Variants in SRGAP1 observed in about 807,000 individuals in gnomAD.
SRGAP1 encodes SLIT-ROBO Rho GTPase activating protein 1.
SRGAP1 carries 43 observed loss-of-function variants against 121.9 expected under a neutral mutation model. That is an observed-to-expected ratio of 0.35 (90% CI 0.28 to 0.46). The LOEUF (loss-of-function observed/expected upper bound fraction) is 0.46. SRGAP1 is among the 20% of genes least tolerant of loss of function. SRGAP1 has a pLI of 1.00. For synonymous variants in SRGAP1, 447 were observed against 485.4 expected (o/e 0.92, Z 1.04); for missense variants, 1,102 against 1,350.9 (o/e 0.82, Z 2.89).
At chr12:63,994,268 G>A (rs957498795) in intron 3 of SRGAP1, among the ~76,000 whole-genome samples, 1 of 152,078 alleles carries the variant, frequency 6.6e-6, no homozygotes, top group African/African-American at 2.4e-5. Context: ...ATTATGTAAT[G>A]TGAGATTATA....
At chr12:63,892,855 C>T (rs1900631425) in intron 1 of SRGAP1, among the ~76,000 whole-genome samples, 1 of 151,968 alleles carries the variant, frequency 6.6e-6, no homozygotes, top group Non-Finnish European at 1.5e-5. Flanking sequence ...TAGGTAGAGA[C>T]TGTAGCGCAT....
rs538731524 is a variant in SRGAP1 at position 64,013,007 on chromosome 12, G to A, written c.427-3943G>A. Among the ~76,000 whole-genome samples the A allele has an allele frequency of 1.9e-3, 292 of 152,254 alleles. 2 individuals carry two copies. The highest frequency in any genetic ancestry group is 6.5e-3 in the African/African-American group (270 of 41,540). On this transcript the variant is annotated intron_variant, in intron 3 of 21. Coordinates refer to ENST00000355086, the MANE Select transcript of SRGAP1 (RefSeq NM_020762.4). ...CCTGCCTCAGCCTCCCAAAGTGCTA[G>A]GATTATAGGTGTGAGCCACCACACC...
rs536057221 is a variant in SRGAP1 at position 64,080,918 on chromosome 12, A to ACAACAG, written c.1408+556_1408+561dup. On this transcript the variant is annotated intron_variant, in intron 10 of 21. Coordinates refer to ENST00000355086, the MANE Select transcript of SRGAP1 (RefSeq NM_020762.4). ...TGCTATGTCTAATAATAGTAACAAA[A>ACAACAG]CAACAGCAACAGCTAACACTTGAAA... 32 of 164,220 alleles carry ACAACAG rather than the reference A, an allele frequency of 1.9e-4. No individual in the cohort carries two copies. The South Asian group carries it at 2.9e-3, about 15-fold the overall frequency. The allele number at this position is 164,220 out of a possible 1,614,324, so 10.2% of individuals were successfully genotyped here. A position where few individuals can be genotyped will look rare whatever the true frequency, so the allele number is the denominator to read the frequency against.
At chr12:63,954,616 T>C (rs553246086) in intron 1 of SRGAP1, among the ~76,000 whole-genome samples, 23 of 142,766 alleles carry the variant, frequency 1.6e-4, no homozygotes, top group African/African-American at 6.0e-4. Context: ...AGGCGGAGCT[T>C]GCAGTGAGCC....
chr12:63,860,994 C>A (rs780323951), intron 1 of SRGAP1, among the ~76,000 whole-genome samples: 3 of 151,954 alleles, frequency 2.0e-5, no homozygotes, highest in Non-Finnish European at 4.4e-5. Flanking sequence ...GACCGCCAAG[C>A]CTGGCCCTTT....
At chr12:64,052,494 G>T (rs1182000899) in intron 6 of SRGAP1, among the ~76,000 whole-genome samples, 1 of 151,920 alleles carries the variant, frequency 6.6e-6, no homozygotes, top group Non-Finnish European at 1.5e-5. Context: ...GGTGGATGTT[G>T]CAGTGAGCCA....
At chr12:64,091,758 A>T (rs890053153) in intron 12 of SRGAP1, 1 of 656,624 alleles carries the variant, frequency 1.5e-6, no homozygotes, top group Non-Finnish European at 2.6e-6. Context: ...GAAACACAGC[A>T]GGAGTTTTGA....
rs781042705 is a variant in SRGAP1 at position 64,142,491 on chromosome 12, G to C, written c.3077G>C (p.Arg1026Pro). Residue 1026 changes from arginine (R) to proline (P), a missense_variant, in exon 22 of 22, where the codon CGT becomes CCT. By Grantham distance (103) the Arg-to-Pro change is moderately radical. Transcript: ENST00000355086. The stretch of plus-strand genomic sequence containing the variant: ...AGGAGCTCCGAGCCTCAGATTCGAC[G>C]TAGCACGAGCTCCTCCAGTGACACA... The part of the protein sequence containing the change: ...ALRSSEPQIR[R>P]STSSSSDTMS... 3 of 1,614,074 alleles carry C rather than the reference G, an allele frequency of 1.9e-6. No individual in the cohort carries two copies. The African/African-American group carries it at 4.0e-5, about 22-fold the overall frequency.
chr12:63,981,206 G>C (rs1489126650), intron 1 of SRGAP1, among the ~76,000 whole-genome samples: 1 of 152,132 alleles, frequency 6.6e-6, no homozygotes, highest in Non-Finnish European at 1.5e-5. Flanking sequence ...TGATTCCCTA[G>C]TTCTTGATCT....
chr12:64,115,920 A>G, intron 18 of SRGAP1, 27 bp downstream of exon 18: 1 of 1,585,558 alleles, frequency 6.3e-7, no homozygotes, highest in Non-Finnish European at 8.6e-7. Context: ...TGCTATTATA[A>G]AGCCAGTCTT....
chr12:63,881,025 A>ACTG (rs1256770960), intron 1 of SRGAP1, among the ~76,000 whole-genome samples: 1 of 152,232 alleles, frequency 6.6e-6, no homozygotes, highest in Non-Finnish European at 1.5e-5. Context: ...AAAGCAACAC[A>ACTG]CTGCTGTCAA....
At chr12:63,855,473 GTTTTTTT>G (rs781701925) in intron 1 of SRGAP1, among the ~76,000 whole-genome samples, 20 of 52,934 alleles carry the variant, frequency 3.8e-4, no homozygotes, top group African/African-American at 1.2e-3. Context: ...GAAAAATGGT[GTTTTTTT>G]TTTTTTTTTT....
chr12:64,142,782 T>A lies in SRGAP1; in HGVS notation c.*110T>A. ...TTAGTTTTGTGCTTATAACTGGAGA[T>A]CTTTTGGCTTTTCTATGTTGTCGAA... On this transcript the variant is annotated 3_prime_UTR_variant, in exon 22 of 22. Coordinates refer to ENST00000355086, the MANE Select transcript of SRGAP1 (RefSeq NM_020762.4). The A allele has an allele frequency of 1.4e-6, 2 of 1,433,202 alleles. No homozygotes were observed. The highest frequency in any genetic ancestry group is 1.9e-6 in the Non-Finnish European group (2 of 1,068,734). The allele number at this position is 1,433,202 out of a possible 1,614,324, so 88.8% of individuals were successfully genotyped here.
At chr12:64,000,730 G>A (rs576023738) in intron 3 of SRGAP1, among the ~76,000 whole-genome samples, 150 of 152,326 alleles carry the variant, frequency 9.8e-4, no homozygotes, top group Non-Finnish European at 1.7e-3. Flanking sequence ...GCAGGTAATG[G>A]GACCCAAAGG....
At chr12:64,055,639 C>T (rs1376470853) in intron 6 of SRGAP1, among the ~76,000 whole-genome samples, 1 of 152,036 alleles carries the variant, frequency 6.6e-6, no homozygotes, top group Non-Finnish European at 1.5e-5. Flanking sequence ...CAGCATGGTA[C>T]TGGTACCAAA....
rs146885491 is a variant in SRGAP1, at chr12:64,142,556, G to A, written c.3142G>A (p.Val1048Met). The change falls in exon 22 of 22, where the codon GTG becomes ATG. Residue 1048 changes from valine (V) to methionine (M), a missense_variant. Transcript: ENST00000355086. Reference protein sequence around the residue: ...FKPMVAPRMGVQLKPPALRPK... With the variant: ...FKPMVAPRMGMQLKPPALRPK... ...GCCTATGGTGGCACCCAGAATGGGC[G>A]TGCAGCTGAAGCCTCCAGCCCTTAG... 1.2e-5 allele frequency: 20 copies of A among 1,614,052 alleles called. No individual in the cohort carries two copies. The highest frequency in any genetic ancestry group is 8.0e-5 in the African/African-American group (6 of 74,910).
chr12:64,055,871 T>A (rs960334480), intron 6 of SRGAP1, among the ~76,000 whole-genome samples: 3 of 152,170 alleles, frequency 2.0e-5, no homozygotes, highest in Non-Finnish European at 2.9e-5. Context: ...TTCCATGGCT[T>A]AAGTACCATC....
intron 1 of SRGAP1, among the ~76,000 whole-genome samples, chr12:63,857,475 A>G (rs1899294192): frequency 6.6e-6 from 1 of 151,270 alleles, no homozygotes; most frequent in East Asian, 1.9e-4. Flanking sequence ...TCCGCCTCCC[A>G]TGTTTAAGCA....
chr12:64,156,285 T>C lies in SRGAP1; in HGVS notation c.*13613T>C, dbSNP rs574761069. On this transcript the variant is annotated 3_prime_UTR_variant, in exon 22 of 22. Transcript: ENST00000355086. ...TTTCCTTAATGTTGATTTTGTAGAC[T>C]CATTTGCAGGAAGAACAATGTCAGG... 1 of 152,368 alleles carries C rather than the reference T, an allele frequency of 6.6e-6. No homozygotes were observed. Among genetic ancestry groups the C allele is most frequent in the East Asian group, 1.9e-4 (1 of 5,190 alleles). 9.4% of individuals were successfully genotyped at this position (152,368 alleles called of 1,614,324 possible).
Sources: allele counts gnomAD v4.1 joint callset (sites outside exome capture counted in the v4.1 genomes callset), GRCh38; gene constraint gnomAD v4.1.1; transcripts MANE v1.5; gene names NCBI Gene and HGNC (gene_info 2026-07-23, HGNC 2026-07-21).